Variants in KIAA1217 observed in about 807,000 individuals in gnomAD.
The protein encoded by KIAA1217 is KIAA1217, also known as sickle tail protein homolog.
A neutral mutation model predicts 163.9 loss-of-function variants in KIAA1217; 88 were observed. The ratio of observed to expected loss-of-function variants is 0.54; its 90% CI spans 0.45 to 0.64. The LOEUF is 0.64. KIAA1217 is among the 30% of genes least tolerant of loss of function. KIAA1217 has a pLI of 0.00. For missense variants in KIAA1217, 2,372 were observed against 2,475.0 expected (o/e 0.96, Z 0.88); for synonymous variants, 903 against 923.1 (o/e 0.98, Z 0.39).
At chr10:24,512,276 A>C (rs993698969) in intron 9 of KIAA1217, among the ~76,000 whole-genome samples, 2 of 152,224 alleles carry the variant, frequency 1.3e-5, no homozygotes, top group Non-Finnish European at 2.9e-5. Context: ...AAACCAGTCC[A>C]TGAAACCGGA....
intron 2 of KIAA1217, among the ~76,000 whole-genome samples, chr10:24,284,331 T>G (rs1022036269): frequency 6.6e-6 from 1 of 152,222 alleles, no homozygotes; most frequent in Non-Finnish European, 1.5e-5. Flanking sequence ...GTCACCCAGA[T>G]AGTGAACACA....
chr10:24,005,449 A>G (rs1190395495), intron 1 of KIAA1217, among the ~76,000 whole-genome samples: 3 of 152,202 alleles, frequency 2.0e-5, no homozygotes, highest in African/African-American at 7.2e-5. Flanking sequence ...AGCTATGTTT[A>G]TGTCATTGGG....
chr10:23,803,346 G>A (rs1000645182), intron 1 of KIAA1217, among the ~76,000 whole-genome samples: 4 of 152,182 alleles, frequency 2.6e-5, no homozygotes, highest in African/African-American at 9.6e-5. Flanking sequence ...CCATCCCTGA[G>A]CATTTGCCTC....
chr10:23,836,762 CA>C (rs951278393), intron 1 of KIAA1217, among the ~76,000 whole-genome samples: 1 of 150,882 alleles, frequency 6.6e-6, no homozygotes, highest in Non-Finnish European at 1.5e-5. Flanking sequence ...CCCGTCTCCA[CA>C]AAAAATAAAA....
chr10:24,112,157 C>T (rs992034443), intron 2 of KIAA1217, among the ~76,000 whole-genome samples: 3 of 152,076 alleles, frequency 2.0e-5, no homozygotes, highest in Admixed American at 6.6e-5. Flanking sequence ...AGATTTTCTG[C>T]CAACAAAAGC....
At chr10:24,323,112 G>C (rs1044825658) in intron 2 of KIAA1217, among the ~76,000 whole-genome samples, 3 of 122,512 alleles carry the variant, frequency 2.4e-5, no homozygotes, top group African/African-American at 7.9e-5. Flanking sequence ...ACCATGCCCA[G>C]CTAATTAAAA....
chr10:24,372,073 C>A (rs576674351), intron 2 of KIAA1217, among the ~76,000 whole-genome samples: 1 of 152,200 alleles, frequency 6.6e-6, no homozygotes, highest in East Asian at 1.9e-4. Context: ...AGGAGGAGAG[C>A]AAGGGTTGAA....
chr10:24,196,994 A>G (rs1035929902), intron 2 of KIAA1217, among the ~76,000 whole-genome samples: 13 of 152,212 alleles, frequency 8.5e-5, no homozygotes, highest in African/African-American at 3.1e-4. Flanking sequence ...GCCAGGTGCT[A>G]AGCATCATTA....
intron 1 of KIAA1217, among the ~76,000 whole-genome samples, chr10:23,805,996 C>CAAAAAAAA (rs71397917): frequency 3.0e-3 from 91 of 30,482 alleles, no homozygotes; most frequent in African/African-American, 3.6e-3. Flanking sequence ...AACTCCATCT[C>CAAAAAAAA]AAAAAAAAAA....
chr10:23,741,680 G>A (rs758690363), intron 1 of KIAA1217, among the ~76,000 whole-genome samples: 1 of 152,260 alleles, frequency 6.6e-6, no homozygotes, highest in East Asian at 1.9e-4. Flanking sequence ...CCAGGATGGG[G>A]GTCAGTGGTA....
intron 1 of KIAA1217, among the ~76,000 whole-genome samples, chr10:23,957,303 C>T (rs868002794): frequency 2.0e-5 from 3 of 152,282 alleles, no homozygotes; most frequent in South Asian, 2.1e-4. Context: ...CAAGCCCTGT[C>T]GTTTCCTACC....
intron 2 of KIAA1217, among the ~76,000 whole-genome samples, chr10:24,258,661 C>T (rs534720427): frequency 2.6e-5 from 4 of 151,196 alleles, no homozygotes; most frequent in African/African-American, 9.7e-5. Flanking sequence ...GGCGCGATCT[C>T]GGCTCATTGC....
chr10:23,767,105 G>C (rs1834568607), intron 1 of KIAA1217, among the ~76,000 whole-genome samples: 1 of 152,164 alleles, frequency 6.6e-6, no homozygotes, highest in South Asian at 2.1e-4. Flanking sequence ...TGGTGGGAGA[G>C]AGTGGTCAGA....
intron 1 of KIAA1217, among the ~76,000 whole-genome samples, chr10:23,918,568 G>A (rs1344642240): frequency 6.6e-6 from 1 of 152,122 alleles, no homozygotes; most frequent in Non-Finnish European, 1.5e-5. Flanking sequence ...GAAGGCTACT[G>A]TGAATGCTTG....
intron 2 of KIAA1217, among the ~76,000 whole-genome samples, chr10:24,092,591 C>T (rs1238740213): frequency 2.6e-5 from 4 of 151,706 alleles, no homozygotes; most frequent in African/African-American, 7.3e-5. Flanking sequence ...CTGAACTGTT[C>T]ACTCATGCAA....
intron 1 of KIAA1217, among the ~76,000 whole-genome samples, chr10:23,892,133 C>T (rs1841443330): frequency 6.6e-6 from 1 of 151,808 alleles, no homozygotes; most frequent in Non-Finnish European, 1.5e-5. Flanking sequence ...TTATGCCTTT[C>T]TTATTGAATG....
At chr10:24,494,958 C>T in intron 7 of KIAA1217, 189 bp from the exon 8 acceptor site, 1 of 595,774 alleles carries the variant, frequency 1.7e-6, no homozygotes, top group Non-Finnish European at 2.9e-6. Context: ...TGCATTCCAC[C>T]CCCAGTGTCA....
intron 2 of KIAA1217, among the ~76,000 whole-genome samples, chr10:24,318,363 G>T (rs1184595108): frequency 6.6e-6 from 1 of 152,134 alleles, no homozygotes; most frequent in Non-Finnish European, 1.5e-5. Flanking sequence ...TAAGTTGAAG[G>T]CCACAAGAGA....
rs1315741893 is a variant in KIAA1217 at position 24,433,244 on chromosome 10, T to C, written c.752+51T>C. ...TGCCATTTTGCCTTAGAGTTTTTTT[T>C]GTTTTTTGTTTTTTTGTTTTTGAGG... On this transcript the variant is annotated intron_variant, in intron 4 of 20. Transcript: ENST00000376454. 2.1e-6 allele frequency: 3 copies of C among 1,440,184 alleles called. No homozygotes were observed. The East Asian group carries it at 6.9e-5, about 33-fold the overall frequency. The allele number at this position is 1,440,184 out of a possible 1,614,324, so 89.2% of individuals were successfully genotyped here.
Sources: gnomAD v4.1 joint callset for allele counts (sites outside exome capture counted in the v4.1 genomes callset) on GRCh38, gnomAD v4.1.1 for gene constraint, MANE v1.5 for transcripts, NCBI Gene and HGNC (gene_info 2026-07-23, HGNC 2026-07-21) for gene names.